Variants in GALNTL6 observed in about 807,000 individuals in gnomAD.
The protein encoded by GALNTL6 is polypeptide N-acetylgalactosaminyltransferase like 6.
A neutral mutation model predicts 73.7 loss-of-function variants in GALNTL6; 46 were observed. That is an observed-to-expected ratio of 0.62 (90% CI 0.49 to 0.80). GALNTL6 has a LOEUF of 0.80. Among genes scored for constraint, GALNTL6 ranks in the 30% least tolerant of loss-of-function variants. The pLI, the probability that GALNTL6 is intolerant of heterozygous loss-of-function variation, is 0.00. For synonymous variants in GALNTL6, 259 were observed against 263.7 expected, an observed-to-expected ratio of 0.98 and a Z score of 0.17; for missense variants, 604 against 755.0, an observed-to-expected ratio of 0.80 and a Z score of 2.34.
intron 2 of GALNTL6, among the ~76,000 whole-genome samples, chr4:172,213,259 G>T (rs1053458218): frequency 6.6e-6 from 1 of 152,110 alleles, no homozygotes; most frequent in Non-Finnish European, 1.5e-5. Flanking sequence ...TTTGCACTGA[G>T]TTTTTTTGTG....
intron 2 of GALNTL6, among the ~76,000 whole-genome samples, chr4:171,842,232 C>T (rs1735255368): frequency 6.6e-6 from 1 of 152,040 alleles, no homozygotes; most frequent in South Asian, 2.1e-4. Context: ...TTTATTTACA[C>T]TTTTGAATGA....
rs74942791 is a variant in GALNTL6 at position 172,786,865 on chromosome 4, A to G, written c.554-22496A>G. On this transcript the variant is annotated intron_variant, in intron 5 of 12. Coordinates refer to ENST00000506823, the MANE Select transcript of GALNTL6 (RefSeq NM_001034845.3). ...TTTCACATTAGAGAAATTAAAATTTATGTGCATAAGTAGACTGAGCCATGT... is the reference window on the plus strand; with the variant it reads ...TTTCACATTAGAGAAATTAAAATTTGTGTGCATAAGTAGACTGAGCCATGT... 4.3e-3 allele frequency among the ~76,000 whole-genome samples: 657 copies of G among 152,356 alleles called. 5 individuals are homozygous for G. The highest frequency in any genetic ancestry group is 0.015 in the African/African-American group (631 of 41,582).
At chr4:171,981,110 A>G (rs1739885087) in intron 2 of GALNTL6, among the ~76,000 whole-genome samples, 1 of 152,220 alleles carries the variant, frequency 6.6e-6, no homozygotes, top group South Asian at 2.1e-4. Flanking sequence ...TCTTGAGGAC[A>G]TGCACCCAAG....
chr4:173,007,252 T>C (rs1752342960), intron 10 of GALNTL6, among the ~76,000 whole-genome samples: 1 of 152,158 alleles, frequency 6.6e-6, no homozygotes. Flanking sequence ...TTGCAGAGAC[T>C]CCTTTCCTTA....
At chr4:171,818,506 T>C (rs1335370660) in intron 2 of GALNTL6, among the ~76,000 whole-genome samples, 1 of 75,508 alleles carries the variant, frequency 1.3e-5, no homozygotes, top group Non-Finnish European at 2.8e-5. Flanking sequence ...AATCTTAGAA[T>C]TTTAAAACAG....
At chr4:172,138,776 G>A (rs1220966485) in intron 2 of GALNTL6, among the ~76,000 whole-genome samples, 14 of 150,672 alleles carry the variant, frequency 9.3e-5, no homozygotes, top group East Asian at 2.0e-4. Flanking sequence ...TGATCTGCCC[G>A]CCTCGGCCTC....
At chr4:172,867,921 G>A (rs973777590) in intron 7 of GALNTL6, among the ~76,000 whole-genome samples, 3 of 152,216 alleles carry the variant, frequency 2.0e-5, no homozygotes, top group Admixed American at 1.3e-4. Flanking sequence ...TTCAGCCAGT[G>A]CTTAACATAA....
chr4:172,016,994 C>T (rs1741217289), intron 2 of GALNTL6, among the ~76,000 whole-genome samples: 1 of 152,050 alleles, frequency 6.6e-6, no homozygotes, highest in Admixed American at 6.6e-5. Context: ...TCAGAGTGTA[C>T]ACTTTATTTA....
At chr4:171,973,524 T>C (rs1739630967) in intron 2 of GALNTL6, among the ~76,000 whole-genome samples, 1 of 152,192 alleles carries the variant, frequency 6.6e-6, no homozygotes, top group Admixed American at 6.5e-5. Context: ...TGTCTGTCTG[T>C]GTCCAAATTT....
chr4:172,139,629 G>A (rs531211627), intron 2 of GALNTL6, among the ~76,000 whole-genome samples: 2 of 152,254 alleles, frequency 1.3e-5, no homozygotes, highest in African/African-American at 4.8e-5. Flanking sequence ...GAATGTTTTT[G>A]CTGAGAGTTG....
chr4:173,009,561 A>AT (rs1170019909), intron 11 of GALNTL6, among the ~76,000 whole-genome samples: 1 of 152,250 alleles, frequency 6.6e-6, no homozygotes, highest in African/African-American at 2.4e-5. Flanking sequence ...AGAAATGTGG[A>AT]TTGCGACCCT....
rs3084334 is a variant in GALNTL6 at position 172,744,840 on chromosome 4, C to CGTGTGTGTGTGT, written c.554-64500_554-64489dup. ...AGGATAGATTTTAAGAGTGCGCGTG[C>CGTGTGTGTGTGT]GTGTGTGTGTGTGTGTGTGTGTGTG... On this transcript the variant is annotated intron_variant, in intron 5 of 12. Coordinates refer to ENST00000506823, the MANE Select transcript of GALNTL6 (RefSeq NM_001034845.3). Among the ~76,000 whole-genome samples the CGTGTGTGTGTGT allele has an allele frequency of 1.3e-4, 19 of 149,366 alleles. No homozygotes were observed. The South Asian group carries it at 3.2e-3, about 25-fold the overall frequency.
intron 2 of GALNTL6, among the ~76,000 whole-genome samples, chr4:172,144,457 C>T (rs1388267547): frequency 2.0e-5 from 3 of 151,880 alleles, no homozygotes; most frequent in East Asian, 3.9e-4. Flanking sequence ...AAAATTGTAT[C>T]CAAAAAATCA....
intron 8 of GALNTL6, among the ~76,000 whole-genome samples, chr4:172,927,419 C>T (rs910385547): frequency 2.6e-5 from 4 of 152,114 alleles, no homozygotes; most frequent in East Asian, 1.9e-4. Context: ...TAGTAATTCA[C>T]CTTTATCATG....
Position 172,811,337 on chromosome 4 carries a change from G to C in GALNTL6, c.739+1791G>C, listed in dbSNP as rs531926214. Among the ~76,000 whole-genome samples, 12 of 152,314 alleles carry C rather than the reference G, an allele frequency of 7.9e-5. 1 individual carries two copies. Among genetic ancestry groups the C allele is most frequent in the Admixed American group, 7.8e-4 (12 of 15,298 alleles). On this transcript the variant is annotated intron_variant, in intron 6 of 12. Coordinates refer to ENST00000506823, the MANE Select transcript of GALNTL6 (RefSeq NM_001034845.3). ...AGTGAAAAGGAAATTTGAAGGAAAA[G>C]TTGACAGTTACTTTAACAGACACAT...
chr4:171,977,390 A>G (rs1739753350), intron 2 of GALNTL6, among the ~76,000 whole-genome samples: 2 of 152,224 alleles, frequency 1.3e-5, no homozygotes, highest in Non-Finnish European at 2.9e-5. Flanking sequence ...GGCTTAAATA[A>G]CAGAATTTTA....
chr4:172,049,512 T>C (rs1401843490), intron 2 of GALNTL6, among the ~76,000 whole-genome samples: 1 of 152,188 alleles, frequency 6.6e-6, no homozygotes, highest in Non-Finnish European at 1.5e-5. Context: ...ATAGAAAATG[T>C]AGTTTATCAG....
chr4:172,276,578 C>T (rs1274212216), intron 3 of GALNTL6, among the ~76,000 whole-genome samples: 1 of 152,106 alleles, frequency 6.6e-6, no homozygotes, highest in Non-Finnish European at 1.5e-5. Flanking sequence ...GTAATGCCAC[C>T]AGCACCACAA....
intron 5 of GALNTL6, among the ~76,000 whole-genome samples, chr4:172,351,447 G>A (rs977635350): frequency 8.6e-5 from 13 of 152,042 alleles, no homozygotes; most frequent in South Asian, 6.2e-4. Context: ...TAAATTATAT[G>A]CATGGCCTTA....
Sources: allele counts gnomAD v4.1 joint callset (sites outside exome capture counted in the v4.1 genomes callset), GRCh38; gene constraint gnomAD v4.1.1; transcripts MANE v1.5; gene names NCBI Gene and HGNC (gene_info 2026-07-23, HGNC 2026-07-21).